LRRC2: variants seen among roughly 807,000 people sequenced by gnomAD.
The protein encoded by LRRC2 is leucine rich repeat containing 2, also known as leucine-rich repeat-containing protein 2.
In LRRC2, 27 loss-of-function variants were observed where a neutral mutation model predicts 40.2. The ratio of observed to expected loss-of-function variants is 0.67; its 90% CI spans 0.49 to 0.93. The LOEUF (loss-of-function observed/expected upper bound fraction) is 0.93, where lower values mean the gene tolerates loss of function less well. Among genes scored for constraint, LRRC2 ranks in the 40% least tolerant of loss-of-function variants. LRRC2 has a pLI of 0.00. For synonymous variants in LRRC2, 147 were observed against 158.9 expected, an observed-to-expected ratio of 0.92 and a Z score of 0.56; for missense variants, 402 against 439.6, an observed-to-expected ratio of 0.91 and a Z score of 0.76.
At position 46,535,903 on chromosome 3, in the gene LRRC2, G is replaced by T. The variant is rs562352814; in HGVS notation, c.491-2994C>A. Among the ~76,000 whole-genome samples the T allele has an allele frequency of 3.9e-5, 6 of 152,100 alleles. No individual in the cohort carries two copies. The South Asian group carries it at 1.2e-3, about 32-fold the overall frequency. Reference sequence around the variant, plus strand: ...TTATCTATTTAATCCTCACAACAACGCGGTGAACTAGGTACTATTGTTATC... The same window carrying T: ...TTATCTATTTAATCCTCACAACAACTCGGTGAACTAGGTACTATTGTTATC... On this transcript the variant is annotated intron_variant, in intron 4 of 8. Transcript: ENST00000395905.
At position 46,518,907 on chromosome 3, in the gene LRRC2, T is replaced by C. The variant is rs1703916351; in HGVS notation, c.*107A>G. Reference sequence around the variant, plus strand: ...TTTTAGCAACTATGATAGTGGTTTCTAGACTTTGTCCTTAAGCACAAGCCA... The same window carrying C: ...TTTTAGCAACTATGATAGTGGTTTCCAGACTTTGTCCTTAAGCACAAGCCA... On this transcript the variant is annotated 3_prime_UTR_variant, in exon 9 of 9. Coordinates refer to ENST00000395905, the MANE Select transcript of LRRC2 (RefSeq NM_024512.5). 5 of 819,784 alleles carry C rather than the reference T, an allele frequency of 6.1e-6. No individual in the cohort carries two copies. Among genetic ancestry groups the C allele is most frequent in the South Asian group, 3.0e-5 (2 of 66,266 alleles). 50.8% of individuals were successfully genotyped at this position (819,784 alleles called of 1,614,324 possible).
In LRRC2 at chr3:46,515,952, C is replaced by CTTTTTTTTTT. The variant is rs35530625; in HGVS notation, c.*3052_*3061dup. The CTTTTTTTTTT allele has an allele frequency of 2.6e-5, 3 of 117,104 alleles. No individual in the cohort carries two copies. Among genetic ancestry groups the CTTTTTTTTTT allele is most frequent in the African/African-American group, 8.3e-5 (2 of 24,024 alleles). The allele number at this position is 117,104 out of a possible 1,614,324, so 7.3% of individuals were successfully genotyped here. A position where few individuals can be genotyped will look rare whatever the true frequency, so the allele number is the denominator to read the frequency against. On this transcript the variant is annotated 3_prime_UTR_variant, in exon 9 of 9. Transcript: ENST00000395905. The stretch of plus-strand genomic sequence containing the variant: ...TTTCCTACTCTTTTCATCTCTCTCT[C>CTTTTTTTTTT]TTTTTTTTTTTTTTTTTTTTTTTTT...
intron 1 of LRRC2, chr3:46,559,371 TAA>T (rs1704885070): frequency 6.6e-6 from 1 of 152,192 alleles, no homozygotes; most frequent in South Asian, 2.1e-4. Context: ...AAAGTAAAGT[TAA>T]CTGTATTTGA....
chr3:46,555,000 G>A (rs1243538355), intron 1 of LRRC2, among the ~76,000 whole-genome samples: 1 of 152,180 alleles, frequency 6.6e-6, no homozygotes, highest in African/African-American at 2.4e-5. Context: ...ATGATGTTGA[G>A]CATATTTTCA....
intron 3 of LRRC2, among the ~76,000 whole-genome samples, chr3:46,543,531 G>T (rs1439002981): frequency 2.6e-5 from 4 of 151,990 alleles, no homozygotes; most frequent in Admixed American, 2.0e-4. Flanking sequence ...CAGGAGAATG[G>T]CGTGAACCCG....
intron 2 of LRRC2, 59 bp downstream of exon 2, chr3:46,551,408 G>T (rs965891043): frequency 3.2e-6 from 5 of 1,575,286 alleles, no homozygotes; most frequent in African/African-American, 2.7e-5. Context: ...CGCAACTGTT[G>T]CCTGTCCAAA....
At position 46,545,126 on chromosome 3, in the gene LRRC2, T is replaced by C. The variant is rs1704497164; in HGVS notation, c.253A>G (p.Thr85Ala). ...TCCTTGGGAAGTGAACTCTGCCTTGTGAGAGTGTTCCTTTCAATCTTGTCC... is the reference window on the plus strand; with the variant it reads ...TCCTTGGGAAGTGAACTCTGCCTTGCGAGAGTGTTCCTTTCAATCTTGTCC... Reference protein sequence around the residue: ...LLDKIERNTLTRQSSLPKDRG... With the variant: ...LLDKIERNTLARQSSLPKDRG... The change falls in exon 3 of 9, where the codon ACA becomes GCA. Residue 85 changes from threonine to alanine, a missense_variant. By Grantham distance (58) the Thr-to-Ala change is moderately conservative. Transcript: ENST00000395905. The C allele has an allele frequency of 2.0e-5, 33 of 1,614,052 alleles. No individual in the cohort carries two copies. In the East Asian group the frequency reaches 7.4e-4, roughly 36 times the overall value.
intron 7 of LRRC2, among the ~76,000 whole-genome samples, chr3:46,525,095 T>C (rs78722559): frequency 2.9e-5 from 4 of 137,070 alleles, no homozygotes; most frequent in Non-Finnish European, 3.3e-5. Context: ...TCTTTTTTTT[T>C]TTTTTTTTTT....
intron 5 of LRRC2, among the ~76,000 whole-genome samples, chr3:46,531,532 C>T (rs1704160553): frequency 6.6e-6 from 1 of 152,088 alleles, no homozygotes; most frequent in Admixed American, 6.6e-5. Context: ...TTCTGGAGGG[C>T]ATGCTCAACA....
At chr3:46,542,135 C>T (rs889630406) in intron 3 of LRRC2, among the ~76,000 whole-genome samples, 1 of 152,076 alleles carries the variant, frequency 6.6e-6, no homozygotes, top group Non-Finnish European at 1.5e-5. Flanking sequence ...CTCTGGACAA[C>T]CCAGTGTCTC....
intron 7 of LRRC2, among the ~76,000 whole-genome samples, chr3:46,526,481 C>T (rs1704061991): frequency 6.6e-6 from 1 of 152,140 alleles, no homozygotes; most frequent in Non-Finnish European, 1.5e-5. Context: ...CCACACACAG[C>T]CAAGCACAGT....
At chr3:46,551,757 T>C (rs79696380) in intron 1 of LRRC2, 147 bp from the exon 2 acceptor site, 1 of 383,688 alleles carries the variant, frequency 2.6e-6, no homozygotes, top group Non-Finnish European at 4.6e-6. Context: ...TTTGCTTTTT[T>C]TTTTTTTTTT....
intron 7 of LRRC2, among the ~76,000 whole-genome samples, chr3:46,525,974 G>C (rs986640394): frequency 9.6e-5 from 14 of 145,126 alleles, no homozygotes; most frequent in Non-Finnish European, 2.1e-4. Flanking sequence ...TTCTTTTTTT[G>C]ATGGAGTCTA....
chr3:46,541,772 G>A (rs1704397823), intron 3 of LRRC2, among the ~76,000 whole-genome samples: 1 of 152,114 alleles, frequency 6.6e-6, no homozygotes, highest in Non-Finnish European at 1.5e-5. Context: ...CCCCATCCAT[G>A]CCACACAGCA....
chr3:46,522,490 A>G (rs1703981375), intron 7 of LRRC2, among the ~76,000 whole-genome samples: 1 of 152,046 alleles, frequency 6.6e-6, no homozygotes, highest in Non-Finnish European at 1.5e-5. Context: ...GCAGGAGGAT[A>G]TGCTTGAGGC....
intron 5 of LRRC2, 119 bp downstream of exon 5, chr3:46,532,654 G>A: frequency 8.9e-7 from 1 of 1,126,984 alleles, no homozygotes; most frequent in Non-Finnish European, 1.3e-6. Flanking sequence ...GAAATGTCAG[G>A]AAAAGGTGAT....
intron 1 of LRRC2, among the ~76,000 whole-genome samples, chr3:46,564,532 A>T (rs1448681607): frequency 6.6e-6 from 1 of 152,094 alleles, no homozygotes; most frequent in Non-Finnish European, 1.5e-5. Flanking sequence ...CATCCTAAGA[A>T]GGATCTGGGG....
Position 46,532,807 on chromosome 3 carries a change from G to T in LRRC2, c.593C>A (p.Ser198Tyr). Residue 198 changes from serine to tyrosine, a missense_variant, in exon 5 of 9, where the codon TCT becomes TAT. Coordinates refer to ENST00000395905, the MANE Select transcript of LRRC2 (RefSeq NM_024512.5). ...DCENLERLDC[S>Y]GNLELMELPF... ...CAGCTCCATTAATTCTAGATTTCCA[G>T]AACAATCCAGTCTCTCTAGATTTTC... The T allele has an allele frequency of 6.2e-7, 1 of 1,613,798 alleles. No individual in the cohort carries two copies. The highest frequency in any genetic ancestry group is 8.5e-7 in the Non-Finnish European group (1 of 1,179,804).
intron 6 of LRRC2, among the ~76,000 whole-genome samples, chr3:46,528,294 T>C (rs1575346218): frequency 6.7e-5 from 1 of 14,934 alleles, no homozygotes; most frequent in Non-Finnish European, 1.1e-4. Context: ...TTTGGTACAC[T>C]TTTTTTTTTT....
Sources: gnomAD v4.1 joint callset for allele counts (sites outside exome capture counted in the v4.1 genomes callset) on GRCh38, gnomAD v4.1.1 for gene constraint, MANE v1.5 for transcripts, NCBI Gene and HGNC (gene_info 2026-07-23, HGNC 2026-07-21) for gene names.